CHEK2: variants seen among roughly 807,000 people sequenced by gnomAD.
CHEK2 encodes checkpoint kinase 2.
In CHEK2, 71 loss-of-function variants were observed where a neutral mutation model predicts 69.1. That is an observed-to-expected ratio of 1.03 (90% CI 0.85 to 1.25). The LOEUF (loss-of-function observed/expected upper bound fraction) is 1.25. Among genes scored for constraint, CHEK2 ranks in the 50% most tolerant of loss-of-function variants. The pLI, the probability that CHEK2 is intolerant of heterozygous loss-of-function variation, is 0.00. For synonymous variants in CHEK2, 189 were observed against 226.9 expected, an observed-to-expected ratio of 0.83 and a Z score of 1.50; for missense variants, 664 against 649.6, an observed-to-expected ratio of 1.02 and a Z score of -0.24.
intron 9 of CHEK2, 143 bp from the exon 10 acceptor site, chr22:28,697,130 CTG>C (rs2052621629): frequency 1.5e-6 from 1 of 676,680 alleles, no homozygotes; most frequent in African/African-American, 1.8e-5. Context: ...TCATAGAAAA[CTG>C]TTGGGGTAAA....
At chr22:28,723,555 G>A (rs993477039) in intron 4 of CHEK2, among the ~76,000 whole-genome samples, 24 of 137,314 alleles carry the variant, frequency 1.7e-4, no homozygotes, top group African/African-American at 6.6e-4. Context: ...CCGAGATCGC[G>A]CCACTGCACT....
intron 5 of CHEK2, 122 bp from the exon 6 acceptor site, chr22:28,712,139 C>T (rs548603701): frequency 4.3e-5 from 33 of 770,158 alleles, no homozygotes; most frequent in African/African-American, 4.1e-4. Flanking sequence ...TTCCATTGTC[C>T]CTGTTTGCAG....
chr22:28,697,648 C>T (rs2052645673), intron 9 of CHEK2, among the ~76,000 whole-genome samples: 1 of 151,930 alleles, frequency 6.6e-6, no homozygotes, highest in Non-Finnish European at 1.5e-5. Flanking sequence ...TAGCTCACTA[C>T]AGCCTCAACC....
In CHEK2 at chr22:28,700,705, C is replaced by T. The variant is rs7287609; in HGVS notation, c.909-768G>A. Among the ~76,000 whole-genome samples, 917 of 152,282 alleles carry T rather than the reference C, an allele frequency of 6.0e-3. 5 individuals are homozygous for T. Among genetic ancestry groups the T allele is most frequent in the Non-Finnish European group, 0.011 (716 of 68,012 alleles). The stretch of plus-strand genomic sequence containing the variant: ...ACTTAAAAAATGGGGATGATACCAT[C>T]TACCTTGATGGTTGTTATAAAAATT... On this transcript the variant is annotated intron_variant, in intron 8 of 14. Transcript: ENST00000404276.
chr22:28,713,818 T>C (rs1043755675), intron 5 of CHEK2, among the ~76,000 whole-genome samples: 3 of 152,126 alleles, frequency 2.0e-5, no homozygotes, highest in Middle Eastern at 3.2e-3. Flanking sequence ...ATAGCTGGGA[T>C]TACAGGTGTG....
chr22:28,716,439 C>T (rs994026229), intron 5 of CHEK2, among the ~76,000 whole-genome samples: 21 of 152,008 alleles, frequency 1.4e-4, no homozygotes, highest in Non-Finnish European at 2.4e-4. Context: ...TCAGGTGATC[C>T]ACCCGCCTCA....
chr22:28,729,902 G>A (rs1207475173), intron 2 of CHEK2, among the ~76,000 whole-genome samples: 1 of 152,024 alleles, frequency 6.6e-6, no homozygotes, highest in Non-Finnish European at 1.5e-5. Context: ...GGGTGAAAGA[G>A]TCAGAGCAAC....
chr22:28,688,127 A>G (rs1468922627), intron 14 of CHEK2, 141 bp from the exon 15 acceptor site: 1 of 695,494 alleles, frequency 1.4e-6, no homozygotes, highest in Non-Finnish European at 2.5e-6. Context: ...GGTTGTCATC[A>G]TTGACAACTG....
intron 7 of CHEK2, among the ~76,000 whole-genome samples, chr22:28,709,214 G>C (rs17880096): frequency 0.018 from 2,677 of 152,188 alleles, 47 homozygotes; most frequent in Non-Finnish European, 0.024. Context: ...TGCACAAAAA[G>C]ATAAGAACTA....
intron 2 of CHEK2, among the ~76,000 whole-genome samples, chr22:28,731,714 G>A (rs763327082): frequency 6.6e-6 from 1 of 151,990 alleles, no homozygotes; most frequent in Non-Finnish European, 1.5e-5. Context: ...TTTTTGTGGA[G>A]AATGGGGTCT....
At position 28,725,162 on chromosome 22, in the gene CHEK2, CAG is replaced by C. The variant is rs1311009907; in HGVS notation, c.445-40_445-39del. ...ACATTTTGTTTCAGACTTTGAATAGCAGAGATTTATAGTGGGAAAATATCTAA... is the reference window on the plus strand; with the variant it reads ...ACATTTTGTTTCAGACTTTGAATAGCAGATTTATAGTGGGAAAATATCTAA... On this transcript the variant is annotated intron_variant, in intron 3 of 14. Coordinates refer to ENST00000404276, the MANE Select transcript of CHEK2 (RefSeq NM_007194.4). 9 of 1,613,786 alleles carry C rather than the reference CAG, an allele frequency of 5.6e-6. No individual in the cohort carries two copies. The highest frequency in any genetic ancestry group is 7.6e-6 in the Non-Finnish European group (9 of 1,179,890).
Position 28,703,496 on chromosome 22 carries a change from A to T in CHEK2, c.908+9T>A, listed in dbSNP as rs2145876552. The T allele has an allele frequency of 7.6e-7, 1 of 1,310,980 alleles. No homozygotes were observed. Among genetic ancestry groups the T allele is most frequent in the Non-Finnish European group, 1.1e-6 (1 of 918,820 alleles). The allele number at this position is 1,310,980 out of a possible 1,614,324, so 81.2% of individuals were successfully genotyped here. ...GGAAACAGAAATTTTTAAAAAGTTT[A>T]CTACTTACAATTCCAAAACAATATA... On this transcript the variant is annotated intron_variant, in intron 8 of 14. Coordinates refer to ENST00000404276, the MANE Select transcript of CHEK2 (RefSeq NM_007194.4).
At chr22:28,723,200 A>G (rs958875242) in intron 4 of CHEK2, among the ~76,000 whole-genome samples, 5 of 152,214 alleles carry the variant, frequency 3.3e-5, no homozygotes, top group Admixed American at 1.3e-4. Flanking sequence ...TGAGGCTGAT[A>G]AACATCTCCA....
chr22:28,726,782 T>G (rs1416873232), intron 2 of CHEK2, among the ~76,000 whole-genome samples: 1 of 142,618 alleles, frequency 7.0e-6, no homozygotes, highest in Non-Finnish European at 1.5e-5. Context: ...AAATCTGCAC[T>G]CTTCCTCATG....
chr22:28,695,786 C>G lies in CHEK2; in HGVS notation c.1183G>C (p.Val395Leu), dbSNP rs587780170. The G allele has an allele frequency of 2.1e-5, 34 of 1,613,826 alleles. No individual in the cohort carries two copies. The highest frequency in any genetic ancestry group is 2.8e-5 in the Non-Finnish European group (33 of 1,179,836). ...CGTPTYLAPE[V>L]LVSVGTAGYN... ...CCAGCAGTCCCAACAGAAACAAGAA[C>G]TTCAGGCGCCAAGTAGGTGGGGGTT... The change falls in exon 11 of 15, where the codon GTT (valine) becomes CTT (leucine). Residue 395 changes from valine to leucine, a missense_variant. Transcript: ENST00000404276.
intron 12 of CHEK2, 134 bp downstream of exon 12, chr22:28,694,993 T>C (rs2052504628): frequency 1.5e-6 from 1 of 668,962 alleles, no homozygotes; most frequent in African/African-American, 1.8e-5. Context: ...GCCTCTCAAA[T>C]GGTGTGAAAC....
At chr22:28,739,565 T>C (rs1442273994) in intron 1 of CHEK2, among the ~76,000 whole-genome samples, 5 of 151,974 alleles carry the variant, frequency 3.3e-5, no homozygotes, top group African/African-American at 1.2e-4. Flanking sequence ...GGCAGGCGTC[T>C]ATAATCCCAG....
chr22:28,735,391 G>A (rs1488877515), intron 1 of CHEK2, among the ~76,000 whole-genome samples: 1 of 150,016 alleles, frequency 6.7e-6, no homozygotes, highest in Non-Finnish European at 1.5e-5. Context: ...GGGCAACAGT[G>A]CAAGACTCCG....
chr22:28,731,755 T>C (rs1447003128), intron 2 of CHEK2, among the ~76,000 whole-genome samples: 1 of 152,082 alleles, frequency 6.6e-6, no homozygotes, highest in Non-Finnish European at 1.5e-5. Context: ...CTCAAACTCC[T>C]GGGTTCAAGC....
Sources: allele counts gnomAD v4.1 joint callset (sites outside exome capture counted in the v4.1 genomes callset), GRCh38; gene constraint gnomAD v4.1.1; transcripts MANE v1.5; gene names NCBI Gene and HGNC (gene_info 2026-07-23, HGNC 2026-07-21).